CSMD1: variants seen among roughly 807,000 people sequenced by gnomAD.
The protein encoded by CSMD1 is CUB and Sushi multiple domains 1.
In CSMD1, 213 loss-of-function variants were observed where a neutral mutation model predicts 417.5. That is an observed-to-expected ratio of 0.51 (90% CI 0.46 to 0.57). The LOEUF (loss-of-function observed/expected upper bound fraction) is 0.57. CSMD1 is among the 20% of genes least tolerant of loss of function. The probability of loss-of-function intolerance (pLI) is 0.00; values close to 1 mark genes in which losing one functional copy is unlikely to be tolerated. For missense variants in CSMD1, 6,923 were observed against 4,529.7 expected (o/e 1.53, Z -15.17); for synonymous variants, 2,862 against 1,736.8 (o/e 1.65, Z -16.11).
chr8:3,497,029 A>G (rs2117320861), intron 10 of CSMD1, among the ~76,000 whole-genome samples: 1 of 152,288 alleles, frequency 6.6e-6, no homozygotes, highest in Non-Finnish European at 1.5e-5. Context: ...GATTTTTAAA[A>G]AATTTGTTGA....
At chr8:3,769,988 T>C (rs12541688) in intron 5 of CSMD1, among the ~76,000 whole-genome samples, 2 of 152,232 alleles carry the variant, frequency 1.3e-5, no homozygotes, top group Non-Finnish European at 2.9e-5. Flanking sequence ...ATTCATACAG[T>C]GACCTGCCTT....
At chr8:3,017,217 TGGAA>T (rs1485358011) in intron 52 of CSMD1, among the ~76,000 whole-genome samples, 1 of 152,160 alleles carries the variant, frequency 6.6e-6, no homozygotes, top group Admixed American at 6.5e-5. Context: ...TCCCTCCCAG[TGGAA>T]CTGGGCTCCT....
rs190895053 is a variant in CSMD1, at chr8:3,513,946, G to C, written c.1345-20220C>G. On this transcript the variant is annotated intron_variant, in intron 10 of 69. Coordinates refer to ENST00000635120, the MANE Select transcript of CSMD1 (RefSeq NM_033225.6). ...TAAGAAGGGGCCATTAGAAGTGAGA[G>C]TAGGTACTTGTAATAAGAAAACAGA... 4.3e-4 allele frequency among the ~76,000 whole-genome samples: 65 copies of C among 152,342 alleles called. 1 individual carries two copies. Among genetic ancestry groups the C allele is most frequent in the African/African-American group, 1.2e-3 (51 of 41,572 alleles).
At chr8:3,991,655 C>T (rs777502308) in intron 5 of CSMD1, among the ~76,000 whole-genome samples, 3 of 152,146 alleles carry the variant, frequency 2.0e-5, no homozygotes, top group Non-Finnish European at 4.4e-5. Context: ...TTTGTATGCA[C>T]TAAGGCAGAA....
intron 3 of CSMD1, among the ~76,000 whole-genome samples, chr8:4,340,259 G>C (rs912650376): frequency 2.0e-5 from 3 of 152,000 alleles, no homozygotes; most frequent in African/African-American, 7.2e-5. Flanking sequence ...AAGCCTGGAA[G>C]ATTTGTCCTT....
chr8:4,925,204 C>A (rs183331387), intron 1 of CSMD1, among the ~76,000 whole-genome samples: 3 of 130,624 alleles, frequency 2.3e-5, no homozygotes, highest in Admixed American at 8.0e-5. Flanking sequence ...ATGGTGAATA[C>A]CAGTTTTATG....
intron 3 of CSMD1, among the ~76,000 whole-genome samples, chr8:4,407,401 T>C (rs1018190619): frequency 2.6e-5 from 4 of 152,238 alleles, no homozygotes; most frequent in African/African-American, 9.6e-5. Flanking sequence ...AGGCAACTTG[T>C]GTTTAGGTTG....
At chr8:4,754,659 G>A (rs979089418) in intron 1 of CSMD1, among the ~76,000 whole-genome samples, 1 of 151,780 alleles carries the variant, frequency 6.6e-6, no homozygotes, top group East Asian at 1.9e-4. Context: ...AGACAATCCT[G>A]GCTAACATGG....
At chr8:3,801,808 T>A (rs1800473766) in intron 5 of CSMD1, among the ~76,000 whole-genome samples, 1 of 152,114 alleles carries the variant, frequency 6.6e-6, no homozygotes, top group African/African-American at 2.4e-5. Flanking sequence ...ATCAACAAAG[T>A]ACTAAGGTAT....
At chr8:3,676,963 A>G (rs1799407087) in intron 7 of CSMD1, among the ~76,000 whole-genome samples, 1 of 151,888 alleles carries the variant, frequency 6.6e-6, no homozygotes, top group South Asian at 2.1e-4. Flanking sequence ...TGACAACACA[A>G]GGACACAGGG....
At chr8:3,029,595 T>C in intron 50 of CSMD1, 82 bp from the exon 51 acceptor site, 1 of 1,251,300 alleles carries the variant, frequency 8.0e-7, no homozygotes, top group South Asian at 1.4e-5. Context: ...GGCAAGGTCT[T>C]GCTATATGAA....
intron 23 of CSMD1, among the ~76,000 whole-genome samples, chr8:3,314,177 T>G (rs1006724089): frequency 7.9e-5 from 12 of 152,180 alleles, no homozygotes; most frequent in South Asian, 4.2e-4. Context: ...GTTAAATGAC[T>G]AGTTAATGGG....
intron 21 of CSMD1, among the ~76,000 whole-genome samples, chr8:3,351,791 T>C (rs1808441774): frequency 1.3e-5 from 2 of 149,594 alleles, no homozygotes; most frequent in Admixed American, 1.3e-4. Context: ...TACACATGTA[T>C]AATATACATA....
rs1004595566 is a variant in CSMD1 at position 3,230,274 on chromosome 8, G to T, written c.4154-43C>A. The T allele has an allele frequency of 1.3e-5, 19 of 1,476,064 alleles. No homozygotes were observed. In the African/African-American group the frequency reaches 2.2e-4, roughly 17 times the overall value. 91.4% of individuals were successfully genotyped at this position (1,476,064 alleles called of 1,614,324 possible). On this transcript the variant is annotated intron_variant, in intron 26 of 69. Transcript: ENST00000635120. ...GGCAAGGTCACAGGCTGGAAAACAT[G>T]GTTTCCACATTCTTGTCGGTGTGGT... is the stretch of plus-strand genomic sequence containing the variant.
At chr8:3,960,199 C>G (rs1048244174) in intron 5 of CSMD1, among the ~76,000 whole-genome samples, 1 of 152,140 alleles carries the variant, frequency 6.6e-6, no homozygotes, top group Non-Finnish European at 1.5e-5. Flanking sequence ...ATTTTTCTTT[C>G]AATCATGGAA....
chr8:3,161,164 G>C (rs565486722), intron 38 of CSMD1, among the ~76,000 whole-genome samples: 1 of 152,020 alleles, frequency 6.6e-6, no homozygotes, highest in Non-Finnish European at 1.5e-5. Flanking sequence ...TTTATTGCTG[G>C]CAGAGAGAAT....
chr8:4,114,550 TATAAC>T lies in CSMD1; in HGVS notation c.416-82456_416-82452del, dbSNP rs1416056930. ...AGGAATAACTCAAACTTTCAACTCTTATAACTTAATAAATGCATAAGTCTATAGCT... is the reference window on the plus strand; with the variant it reads ...AGGAATAACTCAAACTTTCAACTCTTTTAATAAATGCATAAGTCTATAGCT... On this transcript the variant is annotated intron_variant, in intron 3 of 69. Coordinates refer to ENST00000635120, the MANE Select transcript of CSMD1 (RefSeq NM_033225.6). Among the ~76,000 whole-genome samples the T allele has an allele frequency of 5.3e-4, 19 of 36,092 alleles. 1 individual carries two copies. In the Admixed American group the frequency reaches 7.7e-3, roughly 15 times the overall value. The allele number at this position is 36,092 out of a possible 152,430, so 23.7% of individuals were successfully genotyped here.
In CSMD1 at chr8:4,166,043, G is replaced by A. The variant is rs75882747; in HGVS notation, c.416-133944C>T. On this transcript the variant is annotated intron_variant, in intron 3 of 69. Coordinates refer to ENST00000635120, the MANE Select transcript of CSMD1 (RefSeq NM_033225.6). ...ATCCTTTTCTTGACCTTATTTACAT[G>A]CTCACACTTTAATAAGTGAATTCCC... Among the ~76,000 whole-genome samples the A allele has an allele frequency of 6.6e-3, 1,010 of 152,158 alleles. 10 individuals carry two copies. Among genetic ancestry groups the A allele is most frequent in the African/African-American group, 0.023 (934 of 41,500 alleles).
At chr8:3,136,601 G>C (rs1818109091) in intron 41 of CSMD1, among the ~76,000 whole-genome samples, 1 of 151,986 alleles carries the variant, frequency 6.6e-6, no homozygotes, top group African/African-American at 2.4e-5. Flanking sequence ...CGGAAGAGAT[G>C]CAGTGAATAG....
Sources: allele counts gnomAD v4.1 joint callset (sites outside exome capture counted in the v4.1 genomes callset), GRCh38; gene constraint gnomAD v4.1.1; transcripts MANE v1.5; gene names NCBI Gene and HGNC (gene_info 2026-07-23, HGNC 2026-07-21).